DET1: variants seen among roughly 807,000 people sequenced by gnomAD.
DET1 encodes the protein DET1 homolog.
Under a neutral mutation model 43.7 loss-of-function variants are expected in DET1, and 22 were observed. That is an observed-to-expected ratio of 0.50 (90% CI 0.36 to 0.72). DET1 has a LOEUF of 0.72. Among genes scored for constraint, DET1 ranks in the 30% least tolerant of loss-of-function variants. DET1 has a pLI of 0.00. For missense variants in DET1, 713 were observed against 713.3 expected (o/e 1.00, Z 0.00); for synonymous variants, 315 against 266.2 (o/e 1.18, Z -1.79).
At chr15:88,525,020 C>T (rs2056624587) in intron 3 of DET1, among the ~76,000 whole-genome samples, 1 of 151,924 alleles carries the variant, frequency 6.6e-6, no homozygotes, top group Admixed American at 6.6e-5. Context: ...GATTAGTGGT[C>T]AACAAAATAT....
At position 88,531,405 on chromosome 15, in the gene DET1, C is replaced by T. The variant is rs761657528; in HGVS notation, c.301G>A (p.Glu101Lys). 26 of 1,613,920 alleles carry T rather than the reference C, an allele frequency of 1.6e-5. No homozygotes were observed. Among genetic ancestry groups the T allele is most frequent in the Admixed American group, 6.7e-5 (4 of 60,008 alleles). The change falls in exon 2 of 5, where the codon GAA becomes AAA. Residue 101 changes from glutamate to lysine, a missense_variant. Physicochemically the swap from Glu to Lys is moderately conservative, Grantham distance 56 (BLOSUM62 1). Coordinates refer to ENST00000268148, the MANE Select transcript of DET1 (RefSeq NM_001144074.3). This position sits in a 1 kb window ranked among gnomAD's most constrained non-coding sequence, Gnocchi z 6.2. ...QAAEDLLQGY[E>K]GEILSNGNDQ... ...TTGCCATTGGACAGGATTTCTCCTT[C>T]GTATCCCTGCAGTAGGTCCTCTGCT... is the stretch of plus-strand genomic sequence containing the variant.
chr15:88,512,885 G>C lies in DET1; in HGVS notation c.*66C>G. 1 of 1,574,790 alleles carries C rather than the reference G, an allele frequency of 6.4e-7. No homozygotes were observed. Among genetic ancestry groups the C allele is most frequent in the East Asian group, 2.3e-5 (1 of 44,412 alleles). Reference sequence around the variant, plus strand: ...CTAGTAGTCGGGAGCTTTTGCTTTGGAGTCCACTGAGATAAGTGAGTGGCA... The same window carrying C: ...CTAGTAGTCGGGAGCTTTTGCTTTGCAGTCCACTGAGATAAGTGAGTGGCA... On this transcript the variant is annotated 3_prime_UTR_variant, in exon 5 of 5. Transcript: ENST00000268148.
chr15:88,542,638 C>A (rs577626614), intron 1 of DET1, among the ~76,000 whole-genome samples: 247 of 152,050 alleles, frequency 1.6e-3, no homozygotes, highest in African/African-American at 5.5e-3. Flanking sequence ...TTTTGACAAT[C>A]GAGAGTATGA....
intron 3 of DET1, among the ~76,000 whole-genome samples, chr15:88,524,715 C>A (rs1298062757): frequency 6.6e-6 from 1 of 152,136 alleles, no homozygotes; most frequent in Non-Finnish European, 1.5e-5. Flanking sequence ...AAGGGCGGTG[C>A]AAGATGTGCT....
At chr15:88,541,553 T>C (rs952573577) in intron 1 of DET1, among the ~76,000 whole-genome samples, 18 of 152,080 alleles carry the variant, frequency 1.2e-4, no homozygotes, top group Non-Finnish European at 8.8e-5. Flanking sequence ...GAGTCTGCCT[T>C]TAAAAAGGCA....
In DET1 at chr15:88,515,303, G is replaced by A. The variant is rs112471893; in HGVS notation, c.1463+1479C>T. Among the ~76,000 whole-genome samples, 506 of 152,152 alleles carry A rather than the reference G, an allele frequency of 3.3e-3. 1 individual carries two copies. Among genetic ancestry groups the A allele is most frequent in the African/African-American group, 0.011 (463 of 41,532 alleles). The stretch of plus-strand genomic sequence containing the variant: ...GCCTGTAATCCCAGCACTTTGGGAG[G>A]CTGAGGTGGGTGGATCACCTGAGGT... On this transcript the variant is annotated intron_variant, in intron 4 of 4. Coordinates refer to ENST00000268148, the MANE Select transcript of DET1 (RefSeq NM_001144074.3).
downstream of DET1, among the ~76,000 whole-genome samples, chr15:88,508,430 A>G (rs1360237172): frequency 6.6e-6 from 1 of 152,190 alleles, no homozygotes; most frequent in African/African-American, 2.4e-5. Flanking sequence ...TAAGCCAGAA[A>G]TTTTGGGTCT....
At chr15:88,532,355 T>C (rs1160341666) in intron 1 of DET1, among the ~76,000 whole-genome samples, 1 of 152,054 alleles carries the variant, frequency 6.6e-6, no homozygotes, top group African/African-American at 2.4e-5. Context: ...CAGCAAAAAA[T>C]ATTTATTGGG....
chr15:88,510,385 A>G (rs887196318), downstream of DET1, among the ~76,000 whole-genome samples: 4 of 152,212 alleles, frequency 2.6e-5, no homozygotes, highest in Admixed American at 6.5e-5. Flanking sequence ...TTCACACTCC[A>G]TGCTCTTTCC....
chr15:88,542,114 T>TC (rs1367189682), intron 1 of DET1, among the ~76,000 whole-genome samples: 1 of 152,170 alleles, frequency 6.6e-6, no homozygotes, highest in Non-Finnish European at 1.5e-5. Context: ...GAGTCCATGC[T>TC]CCAGACCCAT....
intron 1 of DET1, chr15:88,536,353 G>A (rs748958388): frequency 2.6e-6 from 2 of 778,850 alleles, no homozygotes; most frequent in African/African-American, 3.4e-5. Flanking sequence ...GCAGGGAACT[G>A]GTCTAATTCC....
chr15:88,531,440 C>T lies in DET1; in HGVS notation c.266G>A (p.Gly89Asp). 1 of 1,613,984 alleles carries T rather than the reference C, an allele frequency of 6.2e-7. No individual in the cohort carries two copies. The highest frequency in any genetic ancestry group is 8.5e-7 in the Non-Finnish European group (1 of 1,179,900). Residue 89 changes from glycine (G) to aspartate (D), a missense_variant, in exon 2 of 5, where the codon GGC becomes GAC. Gly to Asp is a moderately conservative substitution (Grantham distance 94). Transcript: ENST00000268148. This position sits in a 1 kb window ranked among gnomAD's most constrained non-coding sequence, Gnocchi z 6.2. ...QTSLEIYEYQGCQAAEDLLQG... is the reference protein window; with the variant it reads ...QTSLEIYEYQDCQAAEDLLQG... Reference sequence around the variant, plus strand: ...CAGTAGGTCCTCTGCTGCCTGGCAGCCCTGGTACTCATAGATTTCAAGAGA... The same window carrying T: ...CAGTAGGTCCTCTGCTGCCTGGCAGTCCTGGTACTCATAGATTTCAAGAGA...
At chr15:88,520,498 G>C (rs1262443342) in intron 3 of DET1, among the ~76,000 whole-genome samples, 1 of 152,142 alleles carries the variant, frequency 6.6e-6, no homozygotes. Context: ...ACTCCTTTGA[G>C]AAACTATGAG....
intron 1 of DET1, among the ~76,000 whole-genome samples, chr15:88,539,448 T>TAA (rs34945813): frequency 1.1e-3 from 104 of 96,450 alleles, no homozygotes; most frequent in African/African-American, 3.4e-3. Flanking sequence ...CTTGTCTGTC[T>TAA]AAAAAAAAAA....
intron 1 of DET1, among the ~76,000 whole-genome samples, chr15:88,538,615 G>A (rs548769400): frequency 8.5e-5 from 13 of 152,112 alleles, no homozygotes; most frequent in South Asian, 6.2e-4. Context: ...AAAGTGTGGC[G>A]TTTTCTCTAA....
At chr15:88,521,456 G>A (rs2056488088) in intron 3 of DET1, among the ~76,000 whole-genome samples, 1 of 152,200 alleles carries the variant, frequency 6.6e-6, no homozygotes, top group Non-Finnish European at 1.5e-5. Context: ...TGGTCTGACA[G>A]GTGGACAGTC....
At position 88,512,541 on chromosome 15, in the gene DET1, T is replaced by C. The variant is rs888805456; in HGVS notation, c.*410A>G. The C allele has an allele frequency of 7.1e-6, 7 of 991,786 alleles. No homozygotes were observed. Among genetic ancestry groups the C allele is most frequent in the Non-Finnish European group, 8.4e-6 (7 of 834,084 alleles). 61.4% of individuals were successfully genotyped at this position (991,786 alleles called of 1,614,324 possible). On this transcript the variant is annotated 3_prime_UTR_variant, in exon 5 of 5. Transcript: ENST00000268148. ...TAAAAAGATAGCCGTGCTTATGAGCTAAATGGAAAGGATGTATGTCATTCT... is the reference window on the plus strand; with the variant it reads ...TAAAAAGATAGCCGTGCTTATGAGCCAAATGGAAAGGATGTATGTCATTCT...
downstream of DET1, chr15:88,512,285 A>T: frequency 1.1e-6 from 1 of 949,388 alleles, no homozygotes; most frequent in Non-Finnish European, 1.3e-6. Context: ...TGTGACAATT[A>T]CCAAGCAAAA....
At chr15:88,519,458 T>TA (rs2056432880) in intron 3 of DET1, among the ~76,000 whole-genome samples, 1 of 152,096 alleles carries the variant, frequency 6.6e-6, no homozygotes, top group African/African-American at 2.4e-5. Flanking sequence ...AAACCCTCTC[T>TA]AGTCACAGGG....
Sources: allele counts gnomAD v4.1 joint callset (sites outside exome capture counted in the v4.1 genomes callset), GRCh38; gene constraint gnomAD v4.1.1; non-coding constraint Gnocchi (gnomAD v3.1); transcripts MANE v1.5; gene names NCBI Gene and HGNC (gene_info 2026-07-23, HGNC 2026-07-21).